Variants in ADAMTS19 observed in about 807,000 individuals in gnomAD.
ADAMTS19 encodes the protein ADAM metallopeptidase with thrombospondin type 1 motif 19, also known as A disintegrin and metalloproteinase with thrombospondin motifs 19.
A neutral mutation model predicts 153.3 loss-of-function variants in ADAMTS19; 93 were observed. That is an observed-to-expected ratio of 0.61 (90% CI 0.51 to 0.72). The LOEUF is 0.72. Ranked by LOEUF, ADAMTS19 falls within the 30% of genes least tolerant of loss-of-function variation. The pLI, the probability that ADAMTS19 is intolerant of heterozygous loss-of-function variation, is 0.00. For missense variants in ADAMTS19, 1,482 were observed against 1,552.1 expected (o/e 0.95, Z 0.76); for synonymous variants, 600 against 556.6 (o/e 1.08, Z -1.10).
chr5:129,492,123 T>C (rs866658085), intron 2 of ADAMTS19, among the ~76,000 whole-genome samples: 18 of 152,228 alleles, frequency 1.2e-4, no homozygotes, highest in Middle Eastern at 6.8e-3. Flanking sequence ...AAACTTACAA[T>C]CATGGCAGAA....
At chr5:129,570,483 T>A (rs1466107737) in intron 7 of ADAMTS19, among the ~76,000 whole-genome samples, 1 of 151,482 alleles carries the variant, frequency 6.6e-6, no homozygotes, top group Non-Finnish European at 1.5e-5. Context: ...CATTAGTAAA[T>A]TAAAGAAAAA....
chr5:129,552,785 C>T lies in ADAMTS19; in HGVS notation c.1372+878C>T, dbSNP rs116340667. ...AGATAATTCTAACTAGTTCCATTAA[C>T]CTAATTTTTCATCAACCTCCTCATA... On this transcript the variant is annotated intron_variant, in intron 7 of 22. Coordinates refer to ENST00000274487, the MANE Select transcript of ADAMTS19 (RefSeq NM_133638.6). Among the ~76,000 whole-genome samples the T allele has an allele frequency of 4.9e-3, 744 of 151,948 alleles. 8 individuals carry two copies. The highest frequency in any genetic ancestry group is 0.016 in the African/African-American group (684 of 41,466).
chr5:129,475,964 A>T (rs1197264312), intron 2 of ADAMTS19, among the ~76,000 whole-genome samples: 1 of 152,224 alleles, frequency 6.6e-6, no homozygotes, highest in Non-Finnish European at 1.5e-5. Flanking sequence ...TCTGAAATTC[A>T]GTTTTCTGAA....
At chr5:129,508,412 T>C (rs2126724078) in intron 2 of ADAMTS19, among the ~76,000 whole-genome samples, 1 of 152,122 alleles carries the variant, frequency 6.6e-6, no homozygotes, top group South Asian at 2.1e-4. Context: ...ATTACAAGTA[T>C]ACCTACTTGT....
In ADAMTS19 at chr5:129,481,617, C is replaced by T. The variant is rs73787513; in HGVS notation, c.747+19860C>T. ...TTCTTAACAATGCATTTTAGTGGTG[C>T]GATCTCAGGTGATCTTTGCTTGTTT... is the stretch of plus-strand genomic sequence containing the variant. On this transcript the variant is annotated intron_variant, in intron 2 of 22. Coordinates refer to ENST00000274487, the MANE Select transcript of ADAMTS19 (RefSeq NM_133638.6). Among the ~76,000 whole-genome samples, 488 of 152,218 alleles carry T rather than the reference C, an allele frequency of 3.2e-3. 3 individuals are homozygous for T. The highest frequency in any genetic ancestry group is 0.011 in the African/African-American group (466 of 41,530).
At chr5:129,578,093 CATACATATACAT>C (rs1258173798) in intron 7 of ADAMTS19, among the ~76,000 whole-genome samples, 1 of 38,928 alleles carries the variant, frequency 2.6e-5, no homozygotes, top group Non-Finnish European at 1.3e-4. Flanking sequence ...TATACATATA[CATACATATACAT>C]ATGCATGTAT....
chr5:129,697,620 A>G (rs76157306), intron 19 of ADAMTS19, among the ~76,000 whole-genome samples: 6,819 of 152,306 alleles, frequency 0.045, 470 homozygotes, highest in African/African-American at 0.15. Flanking sequence ...TTCATGATAC[A>G]GAGTAGTAAT....
intron 2 of ADAMTS19, among the ~76,000 whole-genome samples, chr5:129,506,903 A>ATATT (rs1751284449): frequency 6.6e-6 from 1 of 151,800 alleles, no homozygotes; most frequent in Non-Finnish European, 1.5e-5. Flanking sequence ...AAATATATAT[A>ATATT]TATTTTTTAA....
chr5:129,728,157 C>T (rs1757284207), intron 21 of ADAMTS19, among the ~76,000 whole-genome samples: 1 of 152,084 alleles, frequency 6.6e-6, no homozygotes, highest in South Asian at 2.1e-4. Context: ...TTTACAAATG[C>T]CATGGCAACA....
chr5:129,716,093 G>A (rs975164223), intron 21 of ADAMTS19, among the ~76,000 whole-genome samples: 1 of 152,132 alleles, frequency 6.6e-6, no homozygotes, highest in Non-Finnish European at 1.5e-5. Flanking sequence ...CTGAATCAGA[G>A]GGAGTTGAGA....
At chr5:129,550,033 T>TAC (rs1166482655) in intron 6 of ADAMTS19, among the ~76,000 whole-genome samples, 32 of 117,454 alleles carry the variant, frequency 2.7e-4, no homozygotes, top group African/African-American at 3.4e-4. Context: ...TATATCTAGA[T>TAC]ATACATATAC....
At chr5:129,533,314 T>C (rs1752281798) in intron 6 of ADAMTS19, among the ~76,000 whole-genome samples, 1 of 152,192 alleles carries the variant, frequency 6.6e-6, no homozygotes, top group Admixed American at 6.5e-5. Context: ...TGTGGGTTTA[T>C]ACATTTGTCA....
At chr5:129,468,688 A>G (rs1224847885) in intron 2 of ADAMTS19, among the ~76,000 whole-genome samples, 1 of 152,026 alleles carries the variant, frequency 6.6e-6, no homozygotes, top group African/African-American at 2.4e-5. Context: ...TGTAATTTAC[A>G]TTTTTTGTTG....
At chr5:129,555,030 G>T (rs564734545) in intron 7 of ADAMTS19, among the ~76,000 whole-genome samples, 1 of 152,120 alleles carries the variant, frequency 6.6e-6, no homozygotes, top group East Asian at 1.9e-4. Flanking sequence ...TATATTTTTT[G>T]ACAGATGCTT....
intron 8 of ADAMTS19, among the ~76,000 whole-genome samples, chr5:129,599,936 AAAG>A (rs1232502943): frequency 1.3e-5 from 2 of 152,194 alleles, no homozygotes; most frequent in Non-Finnish European, 2.9e-5. Context: ...ATTTGTCTCA[AAAG>A]TAGTGGCTGG....
At position 129,491,338 on chromosome 5, in the gene ADAMTS19, A is replaced by G. The variant is rs574815299; in HGVS notation, c.748-17739A>G. Among the ~76,000 whole-genome samples the G allele has an allele frequency of 1.3e-3, 205 of 152,240 alleles. 2 individuals are homozygous for G. Among genetic ancestry groups the G allele is most frequent in the Admixed American group, 1.1e-3 (17 of 15,280 alleles). On this transcript the variant is annotated intron_variant, in intron 2 of 22. Transcript: ENST00000274487. ...TTTTTATCACTTTATGCCACTGATA[A>G]TGTTTCGGAGTACCTGTTTTTCTAA...
At chr5:129,658,329 G>GAAAGAA (rs78095727) in intron 14 of ADAMTS19, among the ~76,000 whole-genome samples, 4,584 of 95,934 alleles carry the variant, frequency 0.048, 170 homozygotes, top group Non-Finnish European at 0.064. Flanking sequence ...AAGAAAGAAA[G>GAAAGAA]AAAGAAAGAA....
intron 7 of ADAMTS19, among the ~76,000 whole-genome samples, chr5:129,576,931 A>G (rs1303789655): frequency 1.3e-5 from 2 of 152,110 alleles, no homozygotes; most frequent in African/African-American, 4.8e-5. Flanking sequence ...CTTCAGGCAC[A>G]TCATCCATAG....
intron 10 of ADAMTS19, among the ~76,000 whole-genome samples, chr5:129,639,119 G>A (rs1286650145): frequency 1.3e-5 from 2 of 152,086 alleles, no homozygotes; most frequent in African/African-American, 4.8e-5. Flanking sequence ...AAGTTATAGA[G>A]TTATTTTCGT....
Sources: gnomAD v4.1 joint callset for allele counts (sites outside exome capture counted in the v4.1 genomes callset) on GRCh38, gnomAD v4.1.1 for gene constraint, MANE v1.5 for transcripts, NCBI Gene and HGNC (gene_info 2026-07-23, HGNC 2026-07-21) for gene names.